The following PRMT3 variants were observed in gnomAD, a reference collection of about 807,000 sequenced individuals.
The protein encoded by PRMT3 is protein arginine methyltransferase 3, also known as protein arginine N-methyltransferase 3.
In PRMT3, 62 loss-of-function variants were observed where a neutral mutation model predicts 71.9. That is an observed-to-expected ratio of 0.86 (90% confidence interval 0.70 to 1.07). PRMT3 has a LOEUF of 1.07. PRMT3 is among the 50% of genes least tolerant of loss of function. The probability of loss-of-function intolerance (pLI) is 0.00; values close to 1 mark genes in which losing one functional copy is unlikely to be tolerated. For synonymous variants in PRMT3, 213 were observed against 220.4 expected (o/e 0.97, Z 0.30); for missense variants, 663 against 643.0 (o/e 1.03, Z -0.34).
At chr11:20,473,109 G>A (rs943863475) in intron 13 of PRMT3, among the ~76,000 whole-genome samples, 2 of 151,920 alleles carry the variant, frequency 1.3e-5, no homozygotes, top group African/African-American at 2.4e-5. Context: ...ATTCCTGATT[G>A]TATTTATTTG....
intron 11 of PRMT3, among the ~76,000 whole-genome samples, chr11:20,459,375 A>G (rs1002468816): frequency 1.3e-5 from 2 of 152,302 alleles, no homozygotes; most frequent in Admixed American, 6.5e-5. Context: ...AAGTAGGACC[A>G]TATGGTGGCC....
intron 13 of PRMT3, among the ~76,000 whole-genome samples, chr11:20,479,936 A>G (rs1197682652): frequency 6.6e-6 from 1 of 152,208 alleles, no homozygotes; most frequent in Non-Finnish European, 1.5e-5. Context: ...GGATGGGTAA[A>G]TGTGGTATAT....
chr11:20,501,857 T>A (rs1210236731), intron 15 of PRMT3, among the ~76,000 whole-genome samples: 2 of 152,194 alleles, frequency 1.3e-5, no homozygotes, highest in East Asian at 3.8e-4. Context: ...TTTGAAAATA[T>A]AAAATCAGGC....
intron 9 of PRMT3, among the ~76,000 whole-genome samples, chr11:20,418,889 G>A (rs933279346): frequency 6.6e-6 from 1 of 152,124 alleles, no homozygotes; most frequent in Middle Eastern, 3.2e-3. Flanking sequence ...AATTAAACAT[G>A]TAGTAACCAT....
chr11:20,477,829 A>T (rs146861384), intron 13 of PRMT3, among the ~76,000 whole-genome samples: 33 of 125,860 alleles, frequency 2.6e-4, no homozygotes, highest in Non-Finnish European at 4.5e-4. Context: ...CCTGTTTTGC[A>T]GCACAACCAC....
intron 9 of PRMT3, among the ~76,000 whole-genome samples, chr11:20,424,330 A>G (rs1849495634): frequency 6.6e-6 from 1 of 152,232 alleles, no homozygotes. Context: ...TTGTATTGGC[A>G]TAAGGATACA....
rs1324047169 is a variant in PRMT3, at chr11:20,387,801, G to A, written c.28+27G>A. ...TGGGTACCCTGGCCCCTCAGCACCC[G>A]GCTCGTCCAGCCCCAGGCCGCGCCG... On this transcript the variant is annotated intron_variant, in intron 1 of 15. Transcript: ENST00000331079. This position sits in a 1 kb window ranked among gnomAD's most constrained non-coding sequence, Gnocchi z 4.3. 8.4e-6 allele frequency: 13 copies of A among 1,541,310 alleles called. No homozygotes were observed. Among genetic ancestry groups the A allele is most frequent in the Non-Finnish European group, 1.1e-5 (13 of 1,146,238 alleles).
At chr11:20,446,134 C>T (rs1850022401) in intron 10 of PRMT3, among the ~76,000 whole-genome samples, 1 of 152,028 alleles carries the variant, frequency 6.6e-6, no homozygotes. Flanking sequence ...GCTGCTCTTA[C>T]ATGTTAATTC....
chr11:20,408,028 A>G lies in PRMT3; in HGVS notation c.889A>G (p.Ile297Val), dbSNP rs144295044. Residue 297 changes from isoleucine to valine, a missense_variant, in exon 9 of 16, where the codon ATA becomes GTA. Physicochemically the swap from Ile to Val is conservative, Grantham distance 29. Transcript: ENST00000331079. ...AATACTTTACCAGGCAATGGATATTATAAGGTACATATATTTTAAGCCTTC... is the reference window on the plus strand; with the variant it reads ...AATACTTTACCAGGCAATGGATATTGTAAGGTACATATATTTTAAGCCTTC... The part of the protein sequence containing the change: ...SEILYQAMDI[I>V]RLNKLEDTIT... 7.0e-6 allele frequency: 11 copies of G among 1,560,904 alleles called. No individual in the cohort carries two copies. Among genetic ancestry groups the G allele is most frequent in the Non-Finnish European group, 9.6e-6 (11 of 1,140,286 alleles).
chr11:20,402,269 G>A (rs960535239), intron 7 of PRMT3, among the ~76,000 whole-genome samples: 8 of 151,836 alleles, frequency 5.3e-5, no homozygotes, highest in African/African-American at 1.7e-4. Context: ...ACAGGCATGC[G>A]CCACCACACC....
intron 14 of PRMT3, 68 bp from the exon 15 acceptor site, chr11:20,494,099 T>G (rs1851276513): frequency 6.7e-7 from 1 of 1,486,708 alleles, no homozygotes; most frequent in African/African-American, 1.4e-5. Flanking sequence ...TTTGATGTCG[T>G]AGATTAATGT....
chr11:20,484,827 C>T (rs12422095), intron 13 of PRMT3, among the ~76,000 whole-genome samples: 10,591 of 152,186 alleles, frequency 0.07, 458 homozygotes, highest in Admixed American at 0.15. Context: ...CCGAAAACAG[C>T]TACAAATGCC....
At chr11:20,481,828 C>A (rs771928805) in intron 13 of PRMT3, among the ~76,000 whole-genome samples, 7 of 151,986 alleles carry the variant, frequency 4.6e-5, no homozygotes, top group East Asian at 1.9e-4. Context: ...GAGTCAAGAG[C>A]CCTTGAAACT....
At chr11:20,487,722 T>C (rs1315320468) in intron 13 of PRMT3, among the ~76,000 whole-genome samples, 1 of 152,226 alleles carries the variant, frequency 6.6e-6, no homozygotes, top group African/African-American at 2.4e-5. Flanking sequence ...ATGGGTTGTA[T>C]AAAACAATTT....
At chr11:20,415,080 C>T (rs935742201) in intron 9 of PRMT3, among the ~76,000 whole-genome samples, 4 of 149,472 alleles carry the variant, frequency 2.7e-5, no homozygotes, top group Non-Finnish European at 3.0e-5. Context: ...TTACAAAATA[C>T]ACCAGCAAAA....
chr11:20,480,153 G>A (rs1415674594), intron 13 of PRMT3, among the ~76,000 whole-genome samples: 1 of 152,136 alleles, frequency 6.6e-6, no homozygotes, highest in African/African-American at 2.4e-5. Context: ...GTTACAATTT[G>A]TGGGGTGACT....
chr11:20,427,519 G>A (rs1282289514), intron 10 of PRMT3, among the ~76,000 whole-genome samples: 1 of 152,164 alleles, frequency 6.6e-6, no homozygotes, highest in East Asian at 1.9e-4. Context: ...GAGGTCAGGA[G>A]TTTGAGACCA....
chr11:20,401,474 T>C (rs1182180461), intron 7 of PRMT3, among the ~76,000 whole-genome samples: 2 of 152,170 alleles, frequency 1.3e-5, no homozygotes, highest in Non-Finnish European at 2.9e-5. Flanking sequence ...GAATTAATTA[T>C]GGACAATTCC....
intron 10 of PRMT3, among the ~76,000 whole-genome samples, chr11:20,428,829 T>G (rs1467625465): frequency 6.6e-6 from 1 of 152,196 alleles, no homozygotes; most frequent in Admixed American, 6.5e-5. Context: ...CTTCCCTTCT[T>G]ACTTTATCTC....
Sources: allele counts gnomAD v4.1 joint callset (sites outside exome capture counted in the v4.1 genomes callset), GRCh38; gene constraint gnomAD v4.1.1; non-coding constraint Gnocchi (gnomAD v3.1); transcripts MANE v1.5; gene names NCBI Gene and HGNC (gene_info 2026-07-23, HGNC 2026-07-21).